PKHD1: variants seen among roughly 807,000 people sequenced by gnomAD.
PKHD1 encodes the protein fibrocystin.
Under a neutral mutation model 412.0 loss-of-function variants are expected in PKHD1, and 291 were observed. The observed-to-expected ratio is 0.71, with a 90% CI of 0.64 to 0.78. PKHD1 has a LOEUF of 0.78. Among genes scored for constraint, PKHD1 ranks in the 30% least tolerant of loss-of-function variants. PKHD1 has a pLI of 0.00. For missense variants in PKHD1, 4,825 were observed against 4,950.7 expected (o/e 0.97, Z 0.76); for synonymous variants, 1,777 against 1,821.5 (o/e 0.98, Z 0.62).
chr6:51,729,378 A>G (rs1782969754), intron 60 of PKHD1, among the ~76,000 whole-genome samples: 1 of 152,210 alleles, frequency 6.6e-6, no homozygotes, highest in African/African-American at 2.4e-5. Flanking sequence ...TTTTCCATAT[A>G]AATGAGTTAT....
chr6:51,670,940 T>A (rs568862559), intron 60 of PKHD1, among the ~76,000 whole-genome samples: 1 of 152,152 alleles, frequency 6.6e-6, no homozygotes, highest in Admixed American at 6.5e-5. Context: ...TGGGCTTCCC[T>A]TTGTGGGTAA....
chr6:51,925,677 T>C (rs1785465349), intron 37 of PKHD1, among the ~76,000 whole-genome samples: 1 of 152,204 alleles, frequency 6.6e-6, no homozygotes, highest in Non-Finnish European at 1.5e-5. Flanking sequence ...TTCTTGGATA[T>C]CCAGCTTGCT....
intron 49 of PKHD1, among the ~76,000 whole-genome samples, chr6:51,852,347 C>T (rs987895207): frequency 2.6e-5 from 4 of 152,050 alleles, no homozygotes; most frequent in African/African-American, 7.2e-5. Flanking sequence ...AGATTAAGTG[C>T]CATGTGGCTC....
chr6:52,064,929 T>C (rs770263475), intron 13 of PKHD1, 26 bp downstream of exon 13: 12 of 1,241,826 alleles, frequency 9.7e-6, no homozygotes, highest in South Asian at 4.8e-5. Flanking sequence ...TCAGAGTTTA[T>C]TGAACAGCCC....
Position 51,649,229 on chromosome 6 carries a change from T to A in PKHD1, c.11175-9A>T. 6.2e-7 allele frequency: 1 copy of A among 1,602,864 alleles called. No individual in the cohort carries two copies. Among genetic ancestry groups the A allele is most frequent in the Non-Finnish European group, 8.5e-7 (1 of 1,170,214 alleles). On this transcript the variant is annotated splice_polypyrimidine_tract_variant and intron_variant, in intron 61 of 66. Coordinates refer to ENST00000371117, the MANE Select transcript of PKHD1 (RefSeq NM_138694.4). The stretch of plus-strand genomic sequence containing the variant: ...TAAAACTGCTTGTATTTCTGACAGA[T>A]ATAAAAACAAACAAAATACATCCTT...
chr6:51,653,715 C>A (rs371368516), intron 61 of PKHD1, among the ~76,000 whole-genome samples: 13 of 152,170 alleles, frequency 8.5e-5, no homozygotes, highest in African/African-American at 2.9e-4. Context: ...ATTCAGGGGA[C>A]AACTACACCT....
At chr6:51,890,976 G>T (rs139510939) in intron 43 of PKHD1, among the ~76,000 whole-genome samples, 1 of 152,140 alleles carries the variant, frequency 6.6e-6, no homozygotes, top group Non-Finnish European at 1.5e-5. Flanking sequence ...AGACAGTAGG[G>T]CTATGGACTG....
intron 27 of PKHD1, among the ~76,000 whole-genome samples, chr6:52,037,208 AT>A (rs1804095630): frequency 6.6e-6 from 1 of 152,144 alleles, no homozygotes; most frequent in Non-Finnish European, 1.5e-5. Flanking sequence ...TCTACCTTAT[AT>A]GCTTCACCAA....
At chr6:51,820,952 A>G (rs1453837045) in intron 52 of PKHD1, among the ~76,000 whole-genome samples, 1 of 152,198 alleles carries the variant, frequency 6.6e-6, no homozygotes, top group Admixed American at 6.5e-5. Flanking sequence ...ACAGACCATA[A>G]AGAGAAAAAA....
chr6:51,971,016 T>C (rs372020720), intron 35 of PKHD1, among the ~76,000 whole-genome samples: 1 of 152,350 alleles, frequency 6.6e-6, no homozygotes. Flanking sequence ...AGTAATTCCA[T>C]AGAATCTGTA....
intron 43 of PKHD1, among the ~76,000 whole-genome samples, chr6:51,894,680 C>T (rs1021612896): frequency 6.6e-6 from 1 of 152,216 alleles, no homozygotes; most frequent in Non-Finnish European, 1.5e-5. Flanking sequence ...ATTTCAAGGT[C>T]AGACTCAGGT....
At chr6:52,036,314 T>C (rs1803940293) in intron 27 of PKHD1, among the ~76,000 whole-genome samples, 1 of 152,244 alleles carries the variant, frequency 6.6e-6, no homozygotes, top group South Asian at 2.1e-4. Flanking sequence ...TCACTGCCCA[T>C]CGCCATCAGA....
intron 46 of PKHD1, among the ~76,000 whole-genome samples, chr6:51,870,932 T>C (rs1305720338): frequency 2.0e-5 from 3 of 148,092 alleles, no homozygotes; most frequent in Non-Finnish European, 4.5e-5. Context: ...AAAAAAAAAA[T>C]GTTCAACATC....
At chr6:51,741,781 GCCTTGTAT>G in intron 60 of PKHD1, among the ~76,000 whole-genome samples, 1 of 152,232 alleles carries the variant, frequency 6.6e-6, no homozygotes, top group South Asian at 2.1e-4. Context: ...TGGATTCTAA[GCCTTGTAT>G]CAGGGTCTGC....
At chr6:51,852,152 T>C (rs1299124324) in intron 49 of PKHD1, among the ~76,000 whole-genome samples, 1 of 152,222 alleles carries the variant, frequency 6.6e-6, no homozygotes, top group Non-Finnish European at 1.5e-5. Context: ...CTTAATTTCA[T>C]TATTTACCCA....
chr6:51,630,006 T>C (rs1182914902), intron 65 of PKHD1, among the ~76,000 whole-genome samples: 1 of 152,160 alleles, frequency 6.6e-6, no homozygotes, highest in Admixed American at 6.6e-5. Context: ...AATGTGATCT[T>C]TTTGAATAGT....
intron 36 of PKHD1, among the ~76,000 whole-genome samples, chr6:51,957,170 G>C (rs139178568): frequency 1.6e-3 from 246 of 152,064 alleles, no homozygotes; most frequent in African/African-American, 5.7e-3. Flanking sequence ...CTATTCTTCC[G>C]CTTTTCCATT....
At chr6:51,864,239 C>G (rs968569731) in intron 48 of PKHD1, among the ~76,000 whole-genome samples, 1 of 152,118 alleles carries the variant, frequency 6.6e-6, no homozygotes, top group Admixed American at 6.6e-5. Flanking sequence ...CAGCAGGACA[C>G]GGAAGCTCCA....
At chr6:51,677,183 G>C (rs1582022278) in intron 60 of PKHD1, among the ~76,000 whole-genome samples, 1 of 152,244 alleles carries the variant, frequency 6.6e-6, no homozygotes, top group East Asian at 1.9e-4. Context: ...TTAGATTGAA[G>C]AAGTACAACA....
Sources: gnomAD v4.1 joint callset for allele counts (sites outside exome capture counted in the v4.1 genomes callset) on GRCh38, gnomAD v4.1.1 for gene constraint, MANE v1.5 for transcripts, NCBI Gene and HGNC (gene_info 2026-07-23, HGNC 2026-07-21) for gene names.